Variants in OSBPL9 observed in about 807,000 individuals in gnomAD.
OSBPL9 encodes oxysterol binding protein like 9.
Under a neutral mutation model 106.6 loss-of-function variants are expected in OSBPL9, and 40 were observed. The observed-to-expected ratio is 0.38, with a 90% CI of 0.29 to 0.49. The LOEUF (loss-of-function observed/expected upper bound fraction) is 0.49. Ranked by LOEUF, OSBPL9 falls within the 20% of genes least tolerant of loss-of-function variation. OSBPL9 has a pLI of 0.97. For synonymous variants in OSBPL9, 269 were observed against 295.4 expected (o/e 0.91, Z 0.92); for missense variants, 609 against 887.2 (o/e 0.69, Z 3.98).
chr1:51,584,935 G>A (rs1235834532), intron 1 of OSBPL9, among the ~76,000 whole-genome samples: 1 of 152,086 alleles, frequency 6.6e-6, no homozygotes, highest in Non-Finnish European at 1.5e-5. Flanking sequence ...TTTGGGGTTA[G>A]ATGAGCTCTC....
At chr1:51,762,765 TAG>T (rs2149073302) in intron 11 of OSBPL9, among the ~76,000 whole-genome samples, 2 of 152,358 alleles carry the variant, frequency 1.3e-5, no homozygotes, top group South Asian at 4.1e-4. Context: ...AAAGAACACT[TAG>T]AGCACTTTCC....
chr1:51,667,415 A>T (rs941660933), intron 2 of OSBPL9, among the ~76,000 whole-genome samples: 28 of 152,204 alleles, frequency 1.8e-4, no homozygotes, highest in Non-Finnish European at 3.1e-4. Flanking sequence ...ATCTACTGTC[A>T]GTCTATGAAT....
intron 1 of OSBPL9, among the ~76,000 whole-genome samples, chr1:51,650,210 C>T (rs1646429148): frequency 6.6e-6 from 1 of 152,022 alleles, no homozygotes; most frequent in Non-Finnish European, 1.5e-5. Flanking sequence ...AATTTGTAAC[C>T]CTAATAGTTG....
chr1:51,698,574 C>T (rs1656588920), intron 3 of OSBPL9, among the ~76,000 whole-genome samples: 1 of 151,970 alleles, frequency 6.6e-6, no homozygotes, highest in Non-Finnish European at 1.5e-5. Flanking sequence ...AAATTTGGAG[C>T]CCACTGGCTT....
the OSBPL9 span, among the ~76,000 whole-genome samples, chr1:51,531,307 G>A: frequency 6.6e-6 from 1 of 152,078 alleles, no homozygotes. Flanking sequence ...AACATTTAAA[G>A]AAAAATATTA....
At chr1:51,683,954 A>T (rs994130645) in intron 3 of OSBPL9, among the ~76,000 whole-genome samples, 4 of 152,268 alleles carry the variant, frequency 2.6e-5, no homozygotes, top group Admixed American at 2.6e-4. Flanking sequence ...ATGTTGGTCA[A>T]AGGGTACAAA....
chr1:51,680,036 TATAAAATTGAGTC>T (rs1259286913), intron 3 of OSBPL9, among the ~76,000 whole-genome samples: 1 of 152,104 alleles, frequency 6.6e-6, no homozygotes, highest in Non-Finnish European at 1.5e-5. Context: ...GTGTGCGTGT[TATAAAATTGAGTC>T]ATTCTGCCAG....
the OSBPL9 span, among the ~76,000 whole-genome samples, chr1:51,530,408 C>G: frequency 6.6e-6 from 1 of 151,808 alleles, no homozygotes; most frequent in Non-Finnish European, 1.5e-5. Context: ...ATATACCTGA[C>G]AAGTGAATTC....
chr1:51,781,147 G>T lies in OSBPL9; in HGVS notation c.1257-17G>T. 6.2e-7 allele frequency: 1 copy of T among 1,611,816 alleles called. No homozygotes were observed. The highest frequency in any genetic ancestry group is 8.5e-7 in the Non-Finnish European group (1 of 1,178,250). On this transcript the variant is annotated splice_polypyrimidine_tract_variant and intron_variant, in intron 15 of 23. Transcript: ENST00000428468. ...ACCAGAAAGCAGGACATTAAATTTT[G>T]TCTTTCTCCCTTGCAGCATTAGTGA...
intron 3 of OSBPL9, among the ~76,000 whole-genome samples, chr1:51,669,981 C>T (rs564973437): frequency 1.3e-5 from 2 of 152,324 alleles, no homozygotes; most frequent in South Asian, 4.1e-4. Flanking sequence ...TCAAGAACTA[C>T]AAGTTTGCAT....
chr1:51,688,088 G>T (rs1458003720), intron 3 of OSBPL9, among the ~76,000 whole-genome samples: 6 of 152,172 alleles, frequency 3.9e-5, no homozygotes, highest in African/African-American at 1.4e-4. Flanking sequence ...TGTTCTCTCT[G>T]TGGGAGTTTT....
intron 3 of OSBPL9, among the ~76,000 whole-genome samples, chr1:51,681,023 T>G (rs183665620): frequency 2.0e-5 from 3 of 152,344 alleles, no homozygotes; most frequent in African/African-American, 4.8e-5. Flanking sequence ...TGACCATTTT[T>G]TTGTTGTTGT....
At chr1:51,664,092 A>G (rs1278281347) in intron 2 of OSBPL9, among the ~76,000 whole-genome samples, 2 of 152,212 alleles carry the variant, frequency 1.3e-5, no homozygotes, top group Non-Finnish European at 2.9e-5. Context: ...TGATATATGC[A>G]TATCCTGTGA....
upstream of OSBPL9, among the ~76,000 whole-genome samples, chr1:51,613,543 A>G (rs1644004052): frequency 6.6e-6 from 1 of 152,200 alleles, no homozygotes; most frequent in Non-Finnish European, 1.5e-5. Context: ...GTTAAAAGTG[A>G]TAAGATATAT....
chr1:51,661,585 G>GA (rs1647156993), intron 2 of OSBPL9, among the ~76,000 whole-genome samples: 1 of 152,042 alleles, frequency 6.6e-6, no homozygotes, highest in Non-Finnish European at 1.5e-5. Flanking sequence ...GAAACCTTCA[G>GA]AAAAAAATCA....
chr1:51,530,681 A>G, the OSBPL9 span, among the ~76,000 whole-genome samples: 11 of 151,592 alleles, frequency 7.3e-5, no homozygotes, highest in Non-Finnish European at 1.0e-4. Flanking sequence ...TGGGTGACAG[A>G]CTGAGACCCT....
chr1:51,653,562 A>AT (rs1394732824), intron 2 of OSBPL9, among the ~76,000 whole-genome samples: 2 of 152,270 alleles, frequency 1.3e-5, no homozygotes, highest in Non-Finnish European at 2.9e-5. Context: ...AATTAAATAA[A>AT]TTACATCCCT....
intron 12 of OSBPL9, among the ~76,000 whole-genome samples, chr1:51,770,828 G>T (rs1673704766): frequency 6.6e-6 from 1 of 152,072 alleles, no homozygotes; most frequent in African/African-American, 2.4e-5. Context: ...TTCTAATACA[G>T]GCAGAGCCCA....
At chr1:51,530,543 A>G in the OSBPL9 span, among the ~76,000 whole-genome samples, 2 of 151,052 alleles carry the variant, frequency 1.3e-5, no homozygotes, top group African/African-American at 4.9e-5. Context: ...CTTGAAGCCA[A>G]GGAGTTCAAG....
Sources: gnomAD v4.1 joint callset for allele counts (sites outside exome capture counted in the v4.1 genomes callset) on GRCh38, gnomAD v4.1.1 for gene constraint, MANE v1.5 for transcripts, NCBI Gene and HGNC (gene_info 2026-07-23, HGNC 2026-07-21) for gene names.